Variants in SPDYE12 observed in about 807,000 individuals in gnomAD.
SPDYE12 encodes speedy/RINGO cell cycle regulator family member E12, also known as speedy protein E12.
the SPDYE12 span, chr7:74,911,009 G>A: frequency 1.1e-4 from 87 of 803,158 alleles, no homozygotes; most frequent in East Asian, 2.2e-3. Flanking sequence ...TTGTGGCTGC[G>A]GGTGAGGTGG....
the SPDYE12 span, among the ~76,000 whole-genome samples, chr7:74,909,763 G>C: frequency 6.6e-6 from 1 of 151,048 alleles, no homozygotes; most frequent in Non-Finnish European, 1.5e-5. Flanking sequence ...GCGGGGTGGA[G>C]GGGTATTCGA....
At chr7:74,909,463 C>T in the SPDYE12 span, 2 of 1,128,220 alleles carry the variant, frequency 1.8e-6, no homozygotes, top group Non-Finnish European at 1.3e-6. Flanking sequence ...TGGAATCCCA[C>T]TTCCCCCGCT....
the SPDYE12 span, among the ~76,000 whole-genome samples, chr7:74,906,045 A>G: frequency 4.7e-5 from 7 of 149,950 alleles, no homozygotes; most frequent in African/African-American, 1.3e-4. Context: ...CCCAGGGAGT[A>G]GGGCACCCTC....
the SPDYE12 span, chr7:74,910,942 C>G: frequency 2.8e-6 from 3 of 1,085,714 alleles, no homozygotes; most frequent in Non-Finnish European, 4.1e-6. Flanking sequence ...GACAGGGTTT[C>G]CGTGAGAGCA....
chr7:74,908,589 G>C, the SPDYE12 span, among the ~76,000 whole-genome samples: 1 of 142,664 alleles, frequency 7.0e-6, no homozygotes, highest in African/African-American at 2.6e-5. Context: ...GCTGGGGGAA[G>C]TGTCATGTCC....
chr7:74,912,093 C>T, the SPDYE12 span: 1 of 49,398 alleles, frequency 2.0e-5, no homozygotes, highest in Non-Finnish European at 3.6e-5. Flanking sequence ...CAAACATTCC[C>T]TCTTCCTTTT....
chr7:74,909,132 C>T, the SPDYE12 span, among the ~76,000 whole-genome samples: 1 of 140,374 alleles, frequency 7.1e-6, no homozygotes, highest in South Asian at 2.2e-4. Context: ...TAGCATACTG[C>T]AACCTCCACC....
the SPDYE12 span, among the ~76,000 whole-genome samples, chr7:74,910,621 A>T: frequency 6.6e-6 from 1 of 151,132 alleles, no homozygotes. Context: ...CCCAGGAGGC[A>T]TCAGCTGCAG....
the SPDYE12 span, among the ~76,000 whole-genome samples, chr7:74,904,580 G>C: frequency 6.6e-6 from 1 of 151,450 alleles, no homozygotes; most frequent in African/African-American, 2.4e-5. Flanking sequence ...TAAAAACCAT[G>C]CTCCCCTTCA....
At chr7:74,910,081 AAAG>A in the SPDYE12 span, among the ~76,000 whole-genome samples, 2 of 148,662 alleles carry the variant, frequency 1.3e-5, no homozygotes. Flanking sequence ...ATAAAAAGAC[AAAG>A]AATAGCCGGG....
At chr7:74,912,767 C>CTTTTTTTT in the SPDYE12 span, among the ~76,000 whole-genome samples, 1 of 11,744 alleles carries the variant, frequency 8.5e-5, no homozygotes, top group Admixed American at 1.0e-3. Flanking sequence ...TCTTTTTTTT[C>CTTTTTTTT]TTCTTTTTTT....
chr7:74,910,338 G>A, the SPDYE12 span, among the ~76,000 whole-genome samples: 1 of 150,602 alleles, frequency 6.6e-6, no homozygotes, highest in Non-Finnish European at 1.5e-5. Context: ...ACTCCATCCT[G>A]GGGAGCAGAG....
the SPDYE12 span, among the ~76,000 whole-genome samples, chr7:74,910,324 CTG>C: frequency 6.7e-6 from 1 of 150,234 alleles, no homozygotes; most frequent in African/African-American, 2.4e-5. Flanking sequence ...GATCATGCCA[CTG>C]TACTCCATCC....
the SPDYE12 span, among the ~76,000 whole-genome samples, chr7:74,912,770 CTTTTTTTTTTT>C: frequency 1.5e-3 from 17 of 11,226 alleles, no homozygotes; most frequent in Non-Finnish European, 1.7e-3. Flanking sequence ...TTTTTTTCTT[CTTTTTTTTTTT>C]TTTTTTTTTT....
At chr7:74,904,845 TTAAA>T in the SPDYE12 span, among the ~76,000 whole-genome samples, 2 of 149,144 alleles carry the variant, frequency 1.3e-5, no homozygotes, top group Non-Finnish European at 3.0e-5. Context: ...AAAATAATAT[TTAAA>T]TAATTCTATA....
At chr7:74,908,927 C>T in the SPDYE12 span, among the ~76,000 whole-genome samples, 4 of 149,804 alleles carry the variant, frequency 2.7e-5, no homozygotes, top group Non-Finnish European at 5.9e-5. Context: ...GTGATCCGCC[C>T]ACCTCGGCCT....
the SPDYE12 span, chr7:74,909,431 G>C: frequency 1.0e-6 from 1 of 969,778 alleles, no homozygotes. Flanking sequence ...AGGACAAATA[G>C]GTGAAAGAAT....
chr7:74,907,382 G>T, the SPDYE12 span, among the ~76,000 whole-genome samples: 1 of 151,074 alleles, frequency 6.6e-6, no homozygotes, highest in Non-Finnish European at 1.5e-5. Flanking sequence ...ATCACTTGAG[G>T]CCAGGAGTTT....
At chr7:74,909,299 T>C in the SPDYE12 span, among the ~76,000 whole-genome samples, 2 of 151,168 alleles carry the variant, frequency 1.3e-5, no homozygotes, top group East Asian at 3.9e-4. Flanking sequence ...GGTGATCCGC[T>C]TGCCTCAGCC....
Sources: gnomAD v4.1 joint callset for allele counts (sites outside exome capture counted in the v4.1 genomes callset) on GRCh38, gnomAD v4.1.1 for gene constraint, MANE v1.5 for transcripts, NCBI Gene and HGNC (gene_info 2026-07-23, HGNC 2026-07-21) for gene names.